The following LIMA1 variants were observed in gnomAD, a reference collection of about 807,000 sequenced individuals.
LIMA1 encodes the protein LIM domain and actin-binding protein 1.
A neutral mutation model predicts 62.6 loss-of-function variants in LIMA1; 52 were observed. That is an observed-to-expected ratio of 0.83 (90% CI 0.67 to 1.05). The LOEUF is 1.05. LIMA1 is among the 50% of genes least tolerant of loss of function. LIMA1 has a pLI of 0.00. For missense variants in LIMA1, 780 were observed against 902.2 expected (o/e 0.86, Z 1.74); for synonymous variants, 302 against 317.8 (o/e 0.95, Z 0.53).
chr12:50,250,239 G>A (rs1941909811), intron 1 of LIMA1, among the ~76,000 whole-genome samples: 2 of 136,896 alleles, frequency 1.5e-5, no homozygotes, highest in South Asian at 2.4e-4. Flanking sequence ...GCAGGGAACC[G>A]AGATCACACC....
At chr12:50,252,337 T>A (rs570525716) in intron 1 of LIMA1, among the ~76,000 whole-genome samples, 2 of 152,150 alleles carry the variant, frequency 1.3e-5, no homozygotes, top group Admixed American at 1.3e-4. Flanking sequence ...CCCAGCACTT[T>A]GGGAGGCTGA....
chr12:50,236,616 A>G (rs1941698295), intron 2 of LIMA1, among the ~76,000 whole-genome samples: 1 of 143,168 alleles, frequency 7.0e-6, no homozygotes, highest in South Asian at 2.5e-4. Context: ...ATTTTCTTAA[A>G]AAGCTAATAT....
chr12:50,225,172 G>T (rs534805398), intron 3 of LIMA1, among the ~76,000 whole-genome samples: 1 of 152,156 alleles, frequency 6.6e-6, no homozygotes, highest in East Asian at 1.9e-4. Context: ...AAAGTGCTGG[G>T]ATTATAGGCA....
chr12:50,217,272 A>G (rs1941359559), intron 4 of LIMA1, among the ~76,000 whole-genome samples: 2 of 152,090 alleles, frequency 1.3e-5, no homozygotes, highest in Non-Finnish European at 2.9e-5. Flanking sequence ...CCCTTCAGAA[A>G]AATCAAAGCT....
chr12:50,231,215 A>C (rs1337625585), intron 3 of LIMA1, among the ~76,000 whole-genome samples: 1 of 152,202 alleles, frequency 6.6e-6, no homozygotes, highest in Admixed American at 6.5e-5. Flanking sequence ...TAGATCCTGC[A>C]GCTAGGAAAC....
chr12:50,213,720 A>C (rs1177941660), intron 4 of LIMA1, among the ~76,000 whole-genome samples: 1 of 152,264 alleles, frequency 6.6e-6, no homozygotes, highest in Non-Finnish European at 1.5e-5. Flanking sequence ...GCCCACTAGC[A>C]GGAAGACAAA....
In LIMA1 at chr12:50,248,695, T is replaced by C. The variant is rs1443575917; in HGVS notation, c.57A>G (p.Thr19=). 6.2e-7 allele frequency: 1 copy of C among 1,613,792 alleles called. No homozygotes were observed. Among genetic ancestry groups the C allele is most frequent in the African/African-American group, 1.3e-5 (1 of 74,932 alleles). ...RQWTSLSLRV[T]AKELSLVNKN... ...TGTTGACAAGAGAAAGTTCTTTGGCTGTTACCCTCAATGATAGTGAGGTCC... is the reference window on the plus strand; with the variant it reads ...TGTTGACAAGAGAAAGTTCTTTGGCCGTTACCCTCAATGATAGTGAGGTCC... The change falls in exon 2 of 11, where the codon ACA becomes ACG. Residue 19 remains threonine (T), a synonymous_variant. Coordinates refer to ENST00000341247, the MANE Select transcript of LIMA1 (RefSeq NM_016357.5).
At chr12:50,241,799 CA>C (rs1941779618) in intron 2 of LIMA1, among the ~76,000 whole-genome samples, 1 of 152,034 alleles carries the variant, frequency 6.6e-6, no homozygotes, top group Non-Finnish European at 1.5e-5. Context: ...GCCCTTACAG[CA>C]ACTAGCATTC....
chr12:50,200,978 A>C, intron 6 of LIMA1, 94 bp from the exon 7 acceptor site: 1 of 1,513,480 alleles, frequency 6.6e-7, no homozygotes, highest in Non-Finnish European at 8.8e-7. Context: ...GAATGTTAAA[A>C]AATTCTTCTA....
At chr12:50,250,470 T>C (rs548528175) in intron 1 of LIMA1, among the ~76,000 whole-genome samples, 3 of 147,258 alleles carry the variant, frequency 2.0e-5, no homozygotes, top group South Asian at 4.2e-4. Context: ...CACACACCTA[T>C]AGTCCTAGCT....
chr12:50,245,516 C>A (rs1312910860), intron 2 of LIMA1, among the ~76,000 whole-genome samples: 1 of 151,692 alleles, frequency 6.6e-6, no homozygotes, highest in Admixed American at 6.6e-5. Context: ...AATGAGGACA[C>A]CATTGGTGCC....
intron 6 of LIMA1, among the ~76,000 whole-genome samples, chr12:50,203,008 C>CTT (rs11292692): frequency 5.3e-4 from 64 of 121,458 alleles, no homozygotes; most frequent in African/African-American, 1.4e-3. Flanking sequence ...AGGTAACTTC[C>CTT]TTTTTTTTTT....
At position 50,205,794 on chromosome 12, in the gene LIMA1, C is replaced by CAA. The variant is rs5798132; in HGVS notation, c.715+188_715+189dup. Among the ~76,000 whole-genome samples, 79 of 79,930 alleles carry CAA rather than the reference C, an allele frequency of 9.9e-4. 1 individual carries two copies. Among genetic ancestry groups the CAA allele is most frequent in the African/African-American group, 2.2e-3 (47 of 21,244 alleles). 52.4% of individuals were successfully genotyped at this position (79,930 alleles called of 152,430 possible). Reference sequence around the variant, plus strand: ...TTTGGGAGCACGTCAACTTCCGTCTCAAAAAAAAAAAAAAAAAAAAAGCTA... The same window carrying CAA: ...TTTGGGAGCACGTCAACTTCCGTCTCAAAAAAAAAAAAAAAAAAAAAAAGCTA... On this transcript the variant is annotated intron_variant, in intron 5 of 10. Transcript: ENST00000341247.
At chr12:50,206,791 A>T (rs549570815) in intron 4 of LIMA1, among the ~76,000 whole-genome samples, 10 of 152,270 alleles carry the variant, frequency 6.6e-5, no homozygotes, top group Non-Finnish European at 1.3e-4. Flanking sequence ...AAATTTAGGT[A>T]ATCTTTCCTC....
rs773708006 is a variant in LIMA1, at chr12:50,177,176, T to A, written c.2168A>T (p.Asn723Ile). Reference sequence around the variant, plus strand: ...GAGTTCCACATCCTGGGATTTCTGATTCTGAGTAGTGAATTCTTCAGCAAA... The same window carrying A: ...GAGTTCCACATCCTGGGATTTCTGAATCTGAGTAGTGAATTCTTCAGCAAA... ...NTFAEEFTTQ[N>I]QKSQDVELWE... Residue 723 changes from asparagine (N) to isoleucine (I), a missense_variant, in exon 11 of 11, where the codon AAT (asparagine) becomes ATT (isoleucine). By Grantham distance (149) the Asn-to-Ile change is moderately radical (BLOSUM62 -3). Coordinates refer to ENST00000341247, the MANE Select transcript of LIMA1 (RefSeq NM_016357.5). 3.1e-6 allele frequency: 5 copies of A among 1,614,036 alleles called. No homozygotes were observed. In the Admixed American group the frequency reaches 8.3e-5, roughly 27 times the overall value.
At chr12:50,231,758 T>C (rs779360924) in intron 2 of LIMA1, 48 bp from the exon 3 acceptor site, 2 of 1,557,412 alleles carry the variant, frequency 1.3e-6, no homozygotes, top group Admixed American at 3.4e-5. Context: ...CTTATATTTT[T>C]ACTCTTTCAA....
chr12:50,217,066 G>T (rs538484616), intron 4 of LIMA1, among the ~76,000 whole-genome samples: 1 of 151,492 alleles, frequency 6.6e-6, no homozygotes, highest in African/African-American at 2.4e-5. Context: ...GACCACTAGG[G>T]TATAAAAACA....
Position 50,204,547 on chromosome 12 carries a change from C to G in LIMA1, c.864+5G>C. ...ATGAATGAATGAATGATGCAGAACA[C>G]ATACTGTATAGTTGGTTGAGCTGCT... On this transcript the variant is annotated splice_donor_5th_base_variant and intron_variant, in intron 6 of 10. Transcript: ENST00000341247. 1 of 1,613,422 alleles carries G rather than the reference C, an allele frequency of 6.2e-7. No individual in the cohort carries two copies. The highest frequency in any genetic ancestry group is 8.5e-7 in the Non-Finnish European group (1 of 1,179,690).
At chr12:50,249,261 G>T (rs1941894916) in intron 1 of LIMA1, among the ~76,000 whole-genome samples, 1 of 152,206 alleles carries the variant, frequency 6.6e-6, no homozygotes, top group Non-Finnish European at 1.5e-5. Flanking sequence ...AATAGGAAGA[G>T]CAGGGCTTTA....
Sources: allele counts gnomAD v4.1 joint callset (sites outside exome capture counted in the v4.1 genomes callset), GRCh38; gene constraint gnomAD v4.1.1; transcripts MANE v1.5; gene names NCBI Gene and HGNC (gene_info 2026-07-23, HGNC 2026-07-21).